Variants in BANP observed in about 807,000 individuals in gnomAD.
The protein encoded by BANP is protein BANP.
Under a neutral mutation model 68.1 loss-of-function variants are expected in BANP, and 11 were observed. That is an observed-to-expected ratio of 0.16 (90% CI 0.10 to 0.27). The LOEUF (loss-of-function observed/expected upper bound fraction) is 0.27. Among genes scored for constraint, BANP ranks in the 10% least tolerant of loss-of-function variants. The pLI is 1.00. For synonymous variants in BANP, 329 were observed against 303.2 expected, an observed-to-expected ratio of 1.09 and a Z score of -0.88; for missense variants, 504 against 722.7, an observed-to-expected ratio of 0.70 and a Z score of 3.47.
chr16:88,036,958 C>G lies in BANP; in HGVS notation c.1273-1015C>G, dbSNP rs1303423017. Among the ~76,000 whole-genome samples, 1 of 152,146 alleles carries G rather than the reference C, an allele frequency of 6.6e-6. No homozygotes were observed. The highest frequency in any genetic ancestry group is 1.5e-5 in the Non-Finnish European group (1 of 68,030). ...GCGAGGTGCAGGATCCCAGCAGCAC[C>G]TTCCAGTGCAGGAGCTGCCTTTGAG... On this transcript the variant is annotated intron_variant, in intron 10 of 13. Transcript: ENST00000682872. The surrounding 1 kb of genome is among the most constrained non-coding windows in gnomAD (Gnocchi z 4.2).
chr16:88,023,982 A>G (rs2076497532), intron 7 of BANP, among the ~76,000 whole-genome samples: 1 of 152,140 alleles, frequency 6.6e-6, no homozygotes, highest in African/African-American at 2.4e-5. Context: ...CTCCCAGGTG[A>G]CGCCACGCTG....
rs2090516613 is a variant in BANP, at chr16:88,072,223, G to A, written c.1521+11G>A. 3 of 1,604,392 alleles carry A rather than the reference G, an allele frequency of 1.9e-6. No individual in the cohort carries two copies. The highest frequency in any genetic ancestry group is 1.3e-5 in the African/African-American group (1 of 74,688). On this transcript the variant is annotated intron_variant, in intron 13 of 13. Transcript: ENST00000682872. ...ACGGCCGGGGCACAGGTGAGTCTGGGGCCCCGCGCCGGGACACTGAAGTGA... is the reference window on the plus strand; with the variant it reads ...ACGGCCGGGGCACAGGTGAGTCTGGAGCCCCGCGCCGGGACACTGAAGTGA...
At chr16:88,001,728 C>G (rs1269999423) in intron 4 of BANP, among the ~76,000 whole-genome samples, 1 of 152,062 alleles carries the variant, frequency 6.6e-6, no homozygotes, top group Non-Finnish European at 1.5e-5. Context: ...TTGAACGTCT[C>G]ACCAATGAGC....
Position 88,072,189 on chromosome 16 carries a change from AGTG to A in BANP, c.1499_1501del (p.Ser500_Asp501delinsAsn). On this transcript the variant is annotated inframe_deletion, in exon 13 of 14. Transcript: ENST00000682872. ...TCAGTACGTGCAGCTGGCGCCAGTG[AGTG>A]ACCACACGGCCGGGGCACAGGTGAG... 6.2e-7 allele frequency: 1 copy of A among 1,610,866 alleles called. No homozygotes were observed. Among genetic ancestry groups the A allele is most frequent in the Non-Finnish European group, 8.5e-7 (1 of 1,179,594 alleles).
chr16:88,057,396 T>A lies in BANP; in HGVS notation c.1312-7871T>A, dbSNP rs942040430. Among the ~76,000 whole-genome samples the A allele has an allele frequency of 6.6e-6, 1 of 152,158 alleles. No individual in the cohort carries two copies. Among genetic ancestry groups the A allele is most frequent in the Non-Finnish European group, 1.5e-5 (1 of 68,020 alleles). On this transcript the variant is annotated intron_variant, in intron 11 of 13. Coordinates refer to ENST00000682872, the MANE Select transcript of BANP (RefSeq NM_001386991.1). This position sits in a 1 kb window ranked among gnomAD's most constrained non-coding sequence, Gnocchi z 4.6. ...CCTGGGCGTTACTGCTGCACCAGGATTCCTGGCCTCCAGAGGAAGGATGGT... is the reference window on the plus strand; with the variant it reads ...CCTGGGCGTTACTGCTGCACCAGGAATCCTGGCCTCCAGAGGAAGGATGGT...
chr16:88,068,284 T>G (rs2089328243), intron 12 of BANP, among the ~76,000 whole-genome samples: 1 of 152,224 alleles, frequency 6.6e-6, no homozygotes, highest in Non-Finnish European at 1.5e-5. Context: ...GTCACCTGGT[T>G]GGCGTGAACC....
In BANP at chr16:88,013,647, G is replaced by C. The variant is rs115255141; in HGVS notation, c.656-4781G>C. ...AGGACTTTGTGCTTTCCTGGTGCAGGAGGCTCCAGGAGTGGTATCCTTTAT... is the reference window on the plus strand; with the variant it reads ...AGGACTTTGTGCTTTCCTGGTGCAGCAGGCTCCAGGAGTGGTATCCTTTAT... On this transcript the variant is annotated intron_variant, in intron 6 of 13. Transcript: ENST00000682872. Among the ~76,000 whole-genome samples, 765 of 152,350 alleles carry C rather than the reference G, an allele frequency of 5.0e-3. 8 individuals carry two copies. The highest frequency in any genetic ancestry group is 0.018 in the African/African-American group (728 of 41,570).
At chr16:88,035,461 G>A (rs1182120519) in intron 10 of BANP, 67 bp downstream of exon 10, 20 of 1,436,278 alleles carry the variant, frequency 1.4e-5, no homozygotes, top group South Asian at 1.1e-4. Flanking sequence ...GACCTTCATC[G>A]GTGTCACAGT....
At position 88,018,212 on chromosome 16, in the gene BANP, G is replaced by C. The variant is rs574350152; in HGVS notation, c.656-216G>C. Among the ~76,000 whole-genome samples the C allele has an allele frequency of 6.6e-6, 1 of 152,102 alleles. No individual in the cohort carries two copies. The highest frequency in any genetic ancestry group is 1.5e-5 in the Non-Finnish European group (1 of 68,026). ...CCCCACAGGCACGTGGCCGCTTCTC[G>C]GGGGTGGTGGGATCGTGTCTGTTCC... On this transcript the variant is annotated intron_variant, in intron 6 of 13. Coordinates refer to ENST00000682872, the MANE Select transcript of BANP (RefSeq NM_001386991.1). The surrounding 1 kb of genome is among the most constrained non-coding windows in gnomAD (Gnocchi z 7.7).
chr16:87,975,391 G>A (rs2061830124), intron 2 of BANP, among the ~76,000 whole-genome samples: 1 of 152,158 alleles, frequency 6.6e-6, no homozygotes, highest in African/African-American at 2.4e-5. Context: ...TTCTGGAGGG[G>A]GCCCCTGTGA....
intron 10 of BANP, 143 bp downstream of exon 10, chr16:88,035,537 G>A (rs1296570499): frequency 6.8e-6 from 5 of 730,494 alleles, no homozygotes; most frequent in African/African-American, 3.6e-5. Context: ...CCGCTTCCAG[G>A]GTGCACATAG....
At chr16:88,016,462 C>A (rs2074574604) in intron 6 of BANP, among the ~76,000 whole-genome samples, 1 of 152,194 alleles carries the variant, frequency 6.6e-6, no homozygotes, top group Admixed American at 6.5e-5. Context: ...GTTTCCCCTT[C>A]CCCTCCCCAT....
intron 4 of BANP, among the ~76,000 whole-genome samples, chr16:87,988,159 TTGTC>T (rs1220217252): frequency 1.3e-5 from 2 of 152,174 alleles, no homozygotes; most frequent in Non-Finnish European, 2.9e-5. Context: ...TGAATAAGAA[TTGTC>T]TGTCTAAAAT....
At chr16:88,046,921 C>T (rs903901299) in intron 11 of BANP, among the ~76,000 whole-genome samples, 1 of 151,806 alleles carries the variant, frequency 6.6e-6, no homozygotes, top group African/African-American at 2.4e-5. Flanking sequence ...AAAAAATTAG[C>T]CGGACGTGGG....
chr16:88,017,267 C>G (rs1291858778), intron 6 of BANP: 3 of 152,226 alleles, frequency 2.0e-5, no homozygotes, highest in African/African-American at 7.2e-5. Flanking sequence ...CTCATAGGTC[C>G]CGGCCCCTCG....
chr16:87,953,428 C>G (rs1044378620), intron 1 of BANP, among the ~76,000 whole-genome samples: 5 of 152,086 alleles, frequency 3.3e-5, no homozygotes, highest in East Asian at 1.9e-4. Flanking sequence ...AGGCCGTACT[C>G]GAACTCCTGA....
chr16:88,011,114 G>A (rs1350494865), intron 6 of BANP, among the ~76,000 whole-genome samples: 1 of 152,220 alleles, frequency 6.6e-6, no homozygotes, highest in African/African-American at 2.4e-5. Flanking sequence ...GAGTGCCACA[G>A]AGCGGCCGGA....
In BANP at chr16:88,003,711, C is replaced by T. The variant is rs1469936123; in HGVS notation, c.363-584C>T. 2.9e-6 allele frequency: 1 copy of T among 344,014 alleles called. No individual in the cohort carries two copies. 21.3% of individuals were successfully genotyped at this position (344,014 alleles called of 1,614,324 possible). A position where few individuals can be genotyped will look rare whatever the true frequency, so the allele number is the denominator to read the frequency against. On this transcript the variant is annotated intron_variant, in intron 4 of 13. Transcript: ENST00000682872. This position sits in a 1 kb window ranked among gnomAD's most constrained non-coding sequence, Gnocchi z 6.1. ...TTTTCCTTCAAAGCAGAACCCTGAG[C>T]CCTTTGGTTGTAGCTCACACATGTT...
intron 1 of BANP, among the ~76,000 whole-genome samples, chr16:87,963,719 C>T (rs1307806365): frequency 6.6e-6 from 1 of 152,164 alleles, no homozygotes; most frequent in East Asian, 1.9e-4. Flanking sequence ...GCTTAGGTAG[C>T]GACAGAGAAG....
Sources: allele counts gnomAD v4.1 joint callset (sites outside exome capture counted in the v4.1 genomes callset), GRCh38; gene constraint gnomAD v4.1.1; non-coding constraint Gnocchi (gnomAD v3.1); transcripts MANE v1.5; gene names NCBI Gene and HGNC (gene_info 2026-07-23, HGNC 2026-07-21).